The following PPP4R2 variants were observed in gnomAD, a reference collection of about 807,000 sequenced individuals.
PPP4R2 encodes the protein protein phosphatase 4 regulatory subunit 2.
A neutral mutation model predicts 47.2 loss-of-function variants in PPP4R2; 13 were observed. The ratio of observed to expected loss-of-function variants is 0.28; its 90% CI spans 0.18 to 0.44. The LOEUF is 0.44. PPP4R2 is among the 20% of genes least tolerant of loss of function. The pLI, the probability that PPP4R2 is intolerant of heterozygous loss-of-function variation, is 1.00. For synonymous variants in PPP4R2, 151 were observed against 163.3 expected (o/e 0.92, Z 0.57); for missense variants, 421 against 491.2 (o/e 0.86, Z 1.35).
chr3:73,059,675 A>T (rs1702802170), intron 4 of PPP4R2, among the ~76,000 whole-genome samples: 3 of 152,018 alleles, frequency 2.0e-5, no homozygotes, highest in African/African-American at 7.3e-5. Flanking sequence ...GTGGTGGCTC[A>T]TGCCTGTAAT....
chr3:73,059,791 C>T (rs1053604369), intron 4 of PPP4R2, among the ~76,000 whole-genome samples: 3 of 151,800 alleles, frequency 2.0e-5, no homozygotes, highest in South Asian at 2.1e-4. Context: ...AAAAACTAGC[C>T]GGGCGTGGTG....
intron 2 of PPP4R2, among the ~76,000 whole-genome samples, chr3:73,031,541 CA>C (rs907441898): frequency 8.7e-6 from 1 of 115,180 alleles, no homozygotes; most frequent in African/African-American, 3.6e-5. Context: ...AACTGTGTCT[CA>C]AAAAAGAAAA....
At chr3:73,037,662 A>G (rs529245473) in intron 2 of PPP4R2, among the ~76,000 whole-genome samples, 6 of 152,214 alleles carry the variant, frequency 3.9e-5, no homozygotes, top group Non-Finnish European at 7.3e-5. Flanking sequence ...TATTGTTTAT[A>G]TTAAACACCT....
chr3:73,063,905 T>A, intron 6 of PPP4R2, 98 bp from the exon 7 acceptor site: 1 of 1,249,914 alleles, frequency 8.0e-7, no homozygotes, highest in South Asian at 1.4e-5. Flanking sequence ...GAAAACAAAG[T>A]TGCAGCAAAT....
At chr3:73,045,254 C>T (rs753370014) in intron 2 of PPP4R2, among the ~76,000 whole-genome samples, 5 of 152,136 alleles carry the variant, frequency 3.3e-5, no homozygotes, top group Middle Eastern at 3.2e-3. Context: ...CTTCCTGTCT[C>T]GGCTTCCCAA....
intron 2 of PPP4R2, among the ~76,000 whole-genome samples, chr3:73,037,616 C>A (rs1438987975): frequency 6.6e-6 from 1 of 152,196 alleles, no homozygotes; most frequent in East Asian, 1.9e-4. Context: ...CCCTTTGGCT[C>A]AAGATGTCCA....
At chr3:73,052,455 G>A (rs1352113507) in intron 3 of PPP4R2, among the ~76,000 whole-genome samples, 1 of 152,016 alleles carries the variant, frequency 6.6e-6, no homozygotes, top group African/African-American at 2.4e-5. Context: ...ATAAAAAAGA[G>A]TATATGGGTT....
rs1703010265 is a variant in PPP4R2, at chr3:73,067,033, A to AT, written c.*1314dup. 6.6e-6 allele frequency: 1 copy of AT among 152,110 alleles called. No homozygotes were observed. The highest frequency in any genetic ancestry group is 1.5e-5 in the Non-Finnish European group (1 of 67,968). 9.4% of individuals were successfully genotyped at this position (152,110 alleles called of 1,614,324 possible). ...TGTTTCTTCAGCTGTACCTTTTGATATTTAAAGTTTTTAAATTTCTGTAAA... is the reference window on the plus strand; with the variant it reads ...TGTTTCTTCAGCTGTACCTTTTGATATTTTAAAGTTTTTAAATTTCTGTAAA... On this transcript the variant is annotated 3_prime_UTR_variant, in exon 9 of 9. Coordinates refer to ENST00000356692, the MANE Select transcript of PPP4R2 (RefSeq NM_174907.4).
chr3:73,008,430 T>A (rs1156868873), intron 2 of PPP4R2, among the ~76,000 whole-genome samples: 2 of 152,248 alleles, frequency 1.3e-5, no homozygotes, highest in African/African-American at 4.8e-5. Context: ...TTAATTTTTC[T>A]TATCTTCATT....
Position 73,067,422 on chromosome 3 carries a change from A to G in PPP4R2, c.*1700A>G, listed in dbSNP as rs1703021449. ...GATCCATTTATGTTTGTAGGATAAT[A>G]TACTACTGACTGACTTGACTGTCAG... On this transcript the variant is annotated 3_prime_UTR_variant, in exon 9 of 9. Coordinates refer to ENST00000356692, the MANE Select transcript of PPP4R2 (RefSeq NM_174907.4). The G allele has an allele frequency of 6.6e-6, 1 of 152,150 alleles. No homozygotes were observed. Among genetic ancestry groups the G allele is most frequent in the Non-Finnish European group, 1.5e-5 (1 of 67,972 alleles). 9.4% of individuals were successfully genotyped at this position (152,150 alleles called of 1,614,324 possible). A position where few individuals can be genotyped will look rare whatever the true frequency, so the allele number is the denominator to read the frequency against.
At chr3:73,041,187 G>C (rs1172529173) in intron 2 of PPP4R2, among the ~76,000 whole-genome samples, 1 of 152,072 alleles carries the variant, frequency 6.6e-6, no homozygotes, top group African/African-American at 2.4e-5. Context: ...ATATGTGTGG[G>C]TGTGCTTCTC....
intron 2 of PPP4R2, among the ~76,000 whole-genome samples, chr3:73,034,680 A>G (rs1432313645): frequency 1.3e-5 from 2 of 151,998 alleles, no homozygotes; most frequent in Non-Finnish European, 2.9e-5. Context: ...TTATAGGTAC[A>G]TGCCACCATG....
intron 2 of PPP4R2, among the ~76,000 whole-genome samples, chr3:73,033,620 A>G (rs988800386): frequency 6.6e-6 from 1 of 152,220 alleles, no homozygotes; most frequent in Non-Finnish European, 1.5e-5. Context: ...TAGAGCCATC[A>G]TCATTATTCA....
rs899073012 is a variant in PPP4R2, at chr3:73,066,953, A to T, written c.*1231A>T. 3 of 152,162 alleles carry T rather than the reference A, an allele frequency of 2.0e-5. No homozygotes were observed. Among genetic ancestry groups the T allele is most frequent in the African/African-American group, 7.2e-5 (3 of 41,476 alleles). 9.4% of individuals were successfully genotyped at this position (152,162 alleles called of 1,614,324 possible). A position where few individuals can be genotyped will look rare whatever the true frequency, so the allele number is the denominator to read the frequency against. ...CAGTATTTTCAAATTTACATATTTAAAGTCATGCAAGCTGTAACTTCCCTG... is the reference window on the plus strand; with the variant it reads ...CAGTATTTTCAAATTTACATATTTATAGTCATGCAAGCTGTAACTTCCCTG... On this transcript the variant is annotated 3_prime_UTR_variant, in exon 9 of 9. Coordinates refer to ENST00000356692, the MANE Select transcript of PPP4R2 (RefSeq NM_174907.4).
chr3:73,042,880 A>G (rs942079788), intron 2 of PPP4R2, among the ~76,000 whole-genome samples: 1 of 152,110 alleles, frequency 6.6e-6, no homozygotes, highest in Non-Finnish European at 1.5e-5. Flanking sequence ...ATTCATGTCA[A>G]TTTATGGGGC....
chr3:73,009,042 G>GT (rs1701671017), intron 2 of PPP4R2, among the ~76,000 whole-genome samples: 1 of 152,218 alleles, frequency 6.6e-6, no homozygotes, highest in African/African-American at 2.4e-5. Flanking sequence ...TGAGTGTCCT[G>GT]TAAGTGGGAG....
rs1702234481 is a variant in PPP4R2 at position 73,034,859 on chromosome 3, A to AAG, written c.117-12327_117-12326insAG. On this transcript the variant is annotated intron_variant, in intron 2 of 8. Coordinates refer to ENST00000356692, the MANE Select transcript of PPP4R2 (RefSeq NM_174907.4). ...TAGTTTTGTTCTTAAAAAAAAAAAA[A>AAG]CATTTCCAACAGTTCAGATCATTGG... Among the ~76,000 whole-genome samples, 5 of 151,738 alleles carry AAG rather than the reference A, an allele frequency of 3.3e-5. No individual in the cohort carries two copies. In the South Asian group the frequency reaches 1.0e-3, roughly 32 times the overall value.
intron 2 of PPP4R2, among the ~76,000 whole-genome samples, chr3:73,037,962 T>C (rs145935013): frequency 6.6e-6 from 1 of 152,342 alleles, no homozygotes; most frequent in Non-Finnish European, 1.5e-5. Context: ...TTGTTACATA[T>C]TTCTTCAGGA....
chr3:73,063,952 G>A (rs777621882), intron 6 of PPP4R2, 51 bp from the exon 7 acceptor site: 3 of 1,504,364 alleles, frequency 2.0e-6, no homozygotes, highest in South Asian at 2.5e-5. Context: ...TACCTTAAGA[G>A]GGATGACTTT....
Sources: allele counts gnomAD v4.1 joint callset (sites outside exome capture counted in the v4.1 genomes callset), GRCh38; gene constraint gnomAD v4.1.1; transcripts MANE v1.5; gene names NCBI Gene and HGNC (gene_info 2026-07-23, HGNC 2026-07-21).